TSNARE1: variants seen among roughly 807,000 people sequenced by gnomAD.
TSNARE1 encodes the protein t-SNARE domain-containing protein 1.
In TSNARE1, 49 loss-of-function variants were observed where a neutral mutation model predicts 62.0. That is an observed-to-expected ratio of 0.79 (90% CI 0.63 to 1.00). The LOEUF (loss-of-function observed/expected upper bound fraction) is 1.00, where lower values mean the gene tolerates loss of function less well. TSNARE1 is among the 50% of genes least tolerant of loss of function. The pLI, the probability that TSNARE1 is intolerant of heterozygous loss-of-function variation, is 0.00. For synonymous variants in TSNARE1, 328 were observed against 294.4 expected (o/e 1.11, Z -1.17); for missense variants, 755 against 700.1 (o/e 1.08, Z -0.88).
chr8:142,302,645 A>G (rs1293243914), intron 9 of TSNARE1, among the ~76,000 whole-genome samples: 2 of 152,132 alleles, frequency 1.3e-5, no homozygotes, highest in African/African-American at 4.8e-5. Context: ...ACGGGGTCCC[A>G]GCCAGCTTTG....
intron 12 of TSNARE1, among the ~76,000 whole-genome samples, chr8:142,253,888 G>A (rs1231873497): frequency 6.6e-6 from 1 of 152,226 alleles, no homozygotes; most frequent in East Asian, 1.9e-4. Context: ...GAGGTGGGAG[G>A]TGGAGCCCTC....
chr8:142,273,478 C>T, intron 12 of TSNARE1: 1 of 985,420 alleles, frequency 1.0e-6, no homozygotes, highest in Non-Finnish European at 1.2e-6. Flanking sequence ...GCCAAACAGC[C>T]CAGAGCTGGC....
intron 12 of TSNARE1, among the ~76,000 whole-genome samples, chr8:142,272,161 A>ATCCATCCG (rs1819639072): frequency 6.6e-6 from 1 of 150,612 alleles, no homozygotes; most frequent in Admixed American, 6.6e-5. Context: ...TCATCCATCC[A>ATCCATCCG]TCCGTCTACT....
chr8:142,285,969 G>A (rs914521939), intron 10 of TSNARE1, among the ~76,000 whole-genome samples: 3 of 152,192 alleles, frequency 2.0e-5, no homozygotes, highest in African/African-American at 7.2e-5. Context: ...ACAGAGCAGG[G>A]ATTGGGGGCT....
intron 1 of TSNARE1, among the ~76,000 whole-genome samples, chr8:142,384,625 C>T (rs1836989594): frequency 6.6e-6 from 1 of 152,020 alleles, no homozygotes; most frequent in African/African-American, 2.4e-5. Flanking sequence ...CTGGATAGCC[C>T]CACGCAAAAG....
In TSNARE1 at chr8:142,316,525, C is replaced by T. The variant is rs1828547860; in HGVS notation, c.985-1433G>A. On this transcript the variant is annotated intron_variant, in intron 7 of 13. Transcript: ENST00000524325. ...AGTTTTATTACTGTCTAATTTAGAT[C>T]TGATAAAATCTACCCGCTTTAAGTG... Among the ~76,000 whole-genome samples the T allele has an allele frequency of 2.0e-5, 3 of 151,706 alleles. No individual in the cohort carries two copies. In the Admixed American group the frequency reaches 2.0e-4, roughly 10 times the overall value.
chr8:142,284,429 C>T lies in TSNARE1; in HGVS notation c.1347G>A (p.Glu449=). ...IIKDLASMVS[E]QGEAVDSIEA... The stretch of plus-strand genomic sequence containing the variant: ...GGTACCCACCAACAGCTTCTCCTTG[C>T]TCTGACACCATGGAGGCCAAGTCCT... The change falls in exon 11 of 14, where the codon GAG becomes GAA. Residue 449 remains glutamate (E), a synonymous_variant. Coordinates refer to ENST00000524325, the MANE Select transcript of TSNARE1 (RefSeq NM_145003.5). 6.2e-7 allele frequency: 1 copy of T among 1,613,532 alleles called. No homozygotes were observed. The highest frequency in any genetic ancestry group is 8.5e-7 in the Non-Finnish European group (1 of 1,179,920).
At chr8:142,237,606 G>A (rs559893655) in intron 12 of TSNARE1, among the ~76,000 whole-genome samples, 1 of 152,326 alleles carries the variant, frequency 6.6e-6, no homozygotes, top group South Asian at 2.1e-4. Flanking sequence ...TGGCAGAGAT[G>A]ACTGCACGTT....
chr8:142,286,617 G>A (rs1822807283), intron 10 of TSNARE1, among the ~76,000 whole-genome samples: 1 of 152,184 alleles, frequency 6.6e-6, no homozygotes, highest in Non-Finnish European at 1.5e-5. Context: ...GCCGGTTTCT[G>A]GTCTCCTCGT....
chr8:142,227,955 G>A (rs962274133), intron 13 of TSNARE1, among the ~76,000 whole-genome samples: 15 of 152,324 alleles, frequency 9.8e-5, no homozygotes, highest in Admixed American at 2.0e-4. Flanking sequence ...GTGAGCAGCC[G>A]AGTACTGCAG....
At chr8:142,251,691 C>T (rs988195260) in intron 12 of TSNARE1, among the ~76,000 whole-genome samples, 4 of 151,970 alleles carry the variant, frequency 2.6e-5, no homozygotes, top group East Asian at 1.9e-4. Context: ...ACCCACCGCC[C>T]GCGTTCTCTA....
intron 4 of TSNARE1, among the ~76,000 whole-genome samples, chr8:142,333,369 T>C (rs949160146): frequency 6.6e-6 from 1 of 152,212 alleles, no homozygotes; most frequent in African/African-American, 2.4e-5. Context: ...GGCAGCTACG[T>C]GGGTGTCGGT....
chr8:142,381,475 C>CG (rs924645478), intron 1 of TSNARE1, among the ~76,000 whole-genome samples: 40 of 152,226 alleles, frequency 2.6e-4, no homozygotes, highest in African/African-American at 8.2e-4. Context: ...AGCGCCCCCC[C>CG]CCACCCCACC....
At chr8:142,285,724 T>A (rs1822620816) in intron 10 of TSNARE1, among the ~76,000 whole-genome samples, 1 of 152,162 alleles carries the variant, frequency 6.6e-6, no homozygotes, top group African/African-American at 2.4e-5. Flanking sequence ...AACAGAAACG[T>A]GGGCCAGGAG....
chr8:142,259,303 T>C lies in TSNARE1; in HGVS notation c.1446+15478A>G, dbSNP rs986232921. Among the ~76,000 whole-genome samples the C allele has an allele frequency of 2.0e-5, 3 of 152,322 alleles. No homozygotes were observed. The East Asian group carries it at 5.8e-4, about 29-fold the overall frequency. ...AAATCTTTGCCTAGGGTTATTTTTCTGTTCAGCATTCTCCCAGAGAAGGAC... is the reference window on the plus strand; with the variant it reads ...AAATCTTTGCCTAGGGTTATTTTTCCGTTCAGCATTCTCCCAGAGAAGGAC... On this transcript the variant is annotated intron_variant, in intron 12 of 13. Transcript: ENST00000524325.
At chr8:142,282,806 C>G (rs1586518921) in intron 11 of TSNARE1, among the ~76,000 whole-genome samples, 2 of 138,964 alleles carry the variant, frequency 1.4e-5, no homozygotes, top group Admixed American at 1.4e-4. Context: ...TGCCAATGAG[C>G]AGAGGCGGGA....
At chr8:142,301,339 C>A (rs1400871266) in intron 9 of TSNARE1, among the ~76,000 whole-genome samples, 2 of 111,048 alleles carry the variant, frequency 1.8e-5, no homozygotes, top group African/African-American at 7.3e-5. Flanking sequence ...CCGTCAGGAG[C>A]CCGCAGTGCC....
At chr8:142,222,595 T>TCAC (rs1563755588) in intron 13 of TSNARE1, among the ~76,000 whole-genome samples, 1 of 66,968 alleles carries the variant, frequency 1.5e-5, no homozygotes, top group Non-Finnish European at 2.8e-5. Context: ...CACTCACTCA[T>TCAC]TCATCCACTC....
At chr8:142,232,300 T>C (rs1445446102) in intron 12 of TSNARE1, among the ~76,000 whole-genome samples, 3 of 152,204 alleles carry the variant, frequency 2.0e-5, no homozygotes, top group African/African-American at 7.2e-5. Context: ...CGGCCTGGCC[T>C]CATACTCCTC....
Sources: gnomAD v4.1 joint callset for allele counts (sites outside exome capture counted in the v4.1 genomes callset) on GRCh38, gnomAD v4.1.1 for gene constraint, MANE v1.5 for transcripts, NCBI Gene and HGNC (gene_info 2026-07-23, HGNC 2026-07-21) for gene names.